The following CCDC171 variants were observed in gnomAD, a reference collection of about 807,000 sequenced individuals.
The protein encoded by CCDC171 is coiled-coil domain-containing protein 171.
Under a neutral mutation model 168.2 loss-of-function variants are expected in CCDC171, and 177 were observed. The observed-to-expected ratio is 1.05, with a 90% CI of 0.93 to 1.19. The LOEUF (loss-of-function observed/expected upper bound fraction) is 1.19, where lower values mean the gene tolerates loss of function less well. Among genes scored for constraint, CCDC171 ranks in the 50% most tolerant of loss-of-function variants. The probability of loss-of-function intolerance (pLI) is 0.00; values close to 1 mark genes in which losing one functional copy is unlikely to be tolerated. For synonymous variants in CCDC171, 687 were observed against 540.8 expected (o/e 1.27, Z -3.75); for missense variants, 1,991 against 1,539.0 (o/e 1.29, Z -4.91).
intron 9 of CCDC171, among the ~76,000 whole-genome samples, chr9:15,674,537 C>G (rs1475555992): frequency 6.6e-6 from 1 of 152,142 alleles, no homozygotes; most frequent in Admixed American, 6.5e-5. Flanking sequence ...TTAACTATGT[C>G]CCAGAGATTC....
At chr9:15,647,181 T>A (rs999658749) in intron 7 of CCDC171, among the ~76,000 whole-genome samples, 11 of 152,018 alleles carry the variant, frequency 7.2e-5, no homozygotes, top group African/African-American at 1.7e-4. Flanking sequence ...AAGGCAGAAA[T>A]AAAGATGTTC....
chr9:15,749,554 T>A (rs748562137), intron 18 of CCDC171, among the ~76,000 whole-genome samples: 1 of 152,128 alleles, frequency 6.6e-6, no homozygotes, highest in African/African-American at 2.4e-5. Context: ...TATTCTAAAA[T>A]TGACCACATA....
intron 25 of CCDC171, among the ~76,000 whole-genome samples, chr9:15,934,558 G>C (rs895357624): frequency 6.6e-6 from 1 of 151,996 alleles, no homozygotes; most frequent in Non-Finnish European, 1.5e-5. Flanking sequence ...TACATTGCTG[G>C]TGGGAATGTA....
At chr9:15,987,453 A>T (rs1209554775) in intron 3 of CCDC171, among the ~76,000 whole-genome samples, 2 of 152,180 alleles carry the variant, frequency 1.3e-5, no homozygotes, top group Non-Finnish European at 2.9e-5. Flanking sequence ...ACAATATTGT[A>T]ACAAATGTAA....
chr9:15,559,351 T>A lies in CCDC171; in HGVS notation c.-111-4627T>A, dbSNP rs552134989. 1.6e-3 allele frequency among the ~76,000 whole-genome samples: 238 copies of A among 151,938 alleles called. 2 individuals carry two copies. The highest frequency in any genetic ancestry group is 5.6e-3 in the African/African-American group (232 of 41,264). ...AGTGGGGTTTTAAAGTCTCCCATTA[T>A]TATTGTATGGGAGTCTAAGTCTCTT... On this transcript the variant is annotated intron_variant, in intron 1 of 25. Transcript: ENST00000380701.
intron 25 of CCDC171, among the ~76,000 whole-genome samples, chr9:15,935,675 G>A (rs1827026421): frequency 6.6e-6 from 1 of 151,916 alleles, no homozygotes; most frequent in South Asian, 2.1e-4. Flanking sequence ...AATCCCCAAA[G>A]TAATAAAAAA....
chr9:15,904,041 T>C (rs1251663642), intron 24 of CCDC171, among the ~76,000 whole-genome samples: 2 of 152,168 alleles, frequency 1.3e-5, no homozygotes, highest in Non-Finnish European at 1.5e-5. Context: ...AGACCAAATC[T>C]ACATCTGATT....
intron 6 of CCDC171, among the ~76,000 whole-genome samples, chr9:15,604,980 C>G (rs1293334028): frequency 6.6e-6 from 1 of 152,100 alleles, no homozygotes; most frequent in Non-Finnish European, 1.5e-5. Flanking sequence ...TGCAGCGGGA[C>G]TATCACAGCT....
At chr9:15,900,020 T>A (rs1821410519) in intron 24 of CCDC171, among the ~76,000 whole-genome samples, 1 of 152,104 alleles carries the variant, frequency 6.6e-6, no homozygotes. Context: ...CAATTTTGAG[T>A]TAGTTTTGGT....
chr9:16,108,573 T>C, the CCDC171 span, among the ~76,000 whole-genome samples: 117 of 152,190 alleles, frequency 7.7e-4, no homozygotes, highest in Non-Finnish European at 1.5e-3. Context: ...AGACTTAGAA[T>C]AGGATTTCAG....
At chr9:16,044,393 GT>G (rs918465619) in intron 1 of CCDC171, among the ~76,000 whole-genome samples, 7 of 151,266 alleles carry the variant, frequency 4.6e-5, no homozygotes, top group Non-Finnish European at 1.0e-4. Flanking sequence ...GATATACTAG[GT>G]TTTTTTTCTT....
chr9:15,916,685 A>G (rs1824567142), intron 24 of CCDC171, among the ~76,000 whole-genome samples: 1 of 152,078 alleles, frequency 6.6e-6, no homozygotes, highest in Non-Finnish European at 1.5e-5. Flanking sequence ...TTCAAGTGAC[A>G]TGCAACTGTT....
intron 24 of CCDC171, among the ~76,000 whole-genome samples, chr9:15,900,178 G>A (rs897572891): frequency 1.3e-5 from 2 of 152,128 alleles, no homozygotes; most frequent in African/African-American, 4.8e-5. Flanking sequence ...CTGTGATTAG[G>A]TTACTCATCA....
Position 15,697,450 on chromosome 9 carries a change from C to T in CCDC171, c.1318+2113C>T, listed in dbSNP as rs1156824093. 2.0e-5 allele frequency among the ~76,000 whole-genome samples: 3 copies of T among 152,162 alleles called. No homozygotes were observed. The East Asian group carries it at 5.8e-4, about 29-fold the overall frequency. ...CCTCTTCTGAGTATTTAATTTACAT[C>T]CTGATTGATTTACATAACTCCTTGG... On this transcript the variant is annotated intron_variant, in intron 11 of 25. Transcript: ENST00000380701.
intron 6 of CCDC171, among the ~76,000 whole-genome samples, chr9:15,596,138 CTTTAG>C (rs1311083019): frequency 6.6e-6 from 1 of 152,090 alleles, no homozygotes; most frequent in East Asian, 1.9e-4. Context: ...TGTAGGAGCT[CTTTAG>C]TTTAATTAGA....
intron 8 of CCDC171, among the ~76,000 whole-genome samples, chr9:16,037,182 G>T (rs1833486951): frequency 6.6e-6 from 1 of 152,182 alleles, no homozygotes; most frequent in Non-Finnish European, 1.5e-5. Flanking sequence ...TGTGTTTGAG[G>T]TGATGAATAT....
intron 21 of CCDC171, among the ~76,000 whole-genome samples, chr9:15,824,168 A>T (rs558532047): frequency 6.6e-6 from 1 of 152,044 alleles, no homozygotes; most frequent in Non-Finnish European, 1.5e-5. Context: ...TTCTGAAATC[A>T]TGTATCTATG....
chr9:15,561,282 T>C (rs1294355736), intron 1 of CCDC171, among the ~76,000 whole-genome samples: 1 of 152,194 alleles, frequency 6.6e-6, no homozygotes, highest in Non-Finnish European at 1.5e-5. Flanking sequence ...GTTGGAATGA[T>C]GACAGCAGGG....
At chr9:16,079,292 G>T in the CCDC171 span, among the ~76,000 whole-genome samples, 1 of 152,294 alleles carries the variant, frequency 6.6e-6, no homozygotes, top group South Asian at 2.1e-4. Flanking sequence ...CAATTCGTAC[G>T]TGGAAATCCT....
Sources: gnomAD v4.1 joint callset for allele counts (sites outside exome capture counted in the v4.1 genomes callset) on GRCh38, gnomAD v4.1.1 for gene constraint, MANE v1.5 for transcripts, NCBI Gene and HGNC (gene_info 2026-07-23, HGNC 2026-07-21) for gene names.